BICD2: variants seen among roughly 807,000 people sequenced by gnomAD.
BICD2 encodes BICD cargo adaptor 2.
A neutral mutation model predicts 72.9 loss-of-function variants in BICD2; 25 were observed. The observed-to-expected ratio is 0.34, with a 90% CI of 0.25 to 0.48. The LOEUF (loss-of-function observed/expected upper bound fraction) is 0.48, where lower values mean the gene tolerates loss of function less well. BICD2 is among the 20% of genes least tolerant of loss of function. The probability of loss-of-function intolerance (pLI) is 0.99; values close to 1 mark genes in which losing one functional copy is unlikely to be tolerated. For synonymous variants in BICD2, 501 were observed against 516.1 expected (o/e 0.97, Z 0.40); for missense variants, 894 against 1,175.2 (o/e 0.76, Z 3.50).
intron 2 of BICD2, among the ~76,000 whole-genome samples, 200 bp downstream of exon 2, chr9:92,728,824 G>A (rs150969675): frequency 6.6e-4 from 101 of 152,356 alleles, no homozygotes; most frequent in African/African-American, 2.4e-3. Context: ...GAACTTGTGG[G>A]TCCATCTCTC....
At chr9:92,718,024 G>C in intron 5 of BICD2, 76 bp from the exon 6 acceptor site, 1 of 1,528,560 alleles carries the variant, frequency 6.5e-7, no homozygotes, top group Non-Finnish European at 8.8e-7. Context: ...GCAGGATCGG[G>C]AGCCCCGGTC....
rs143189118 is a variant in BICD2, at chr9:92,715,300, G to A, written c.2422C>T (p.Arg808Cys). Residue 808 changes from arginine (R) to cysteine (C), a missense_variant, in exon 7 of 7, where the codon CGT becomes TGT. Physicochemically the swap from Arg to Cys is radical, Grantham distance 180 (BLOSUM62 -3). Coordinates refer to ENST00000356884, the MANE Select transcript of BICD2 (RefSeq NM_001003800.2). Reference sequence around the variant, plus strand: ...TTCGGGGCGGCTTTGGCACGGCCACGCCGGGTCTGCTCATGGTCCAGCTCG... The same window carrying A: ...TTCGGGGCGGCTTTGGCACGGCCACACCGGGTCTGCTCATGGTCCAGCTCG... Reference protein sequence around the residue: ...LLELDHEQTRRGRAKAAPKTK... With the variant: ...LLELDHEQTRCGRAKAAPKTK... The A allele has an allele frequency of 3.1e-6, 5 of 1,612,716 alleles. No homozygotes were observed. Among genetic ancestry groups the A allele is most frequent in the South Asian group, 1.1e-5 (1 of 91,080 alleles).
At position 92,764,388 on chromosome 9, in the gene BICD2, G is replaced by A; in HGVS notation, c.240+117C>T. 1.5e-6 allele frequency: 2 copies of A among 1,315,392 alleles called. No homozygotes were observed. The allele number at this position is 1,315,392 out of a possible 1,614,324, so 81.5% of individuals were successfully genotyped here. ...CTGCCCGTGCCCCCTCCGCCCCGGC[G>A]GCCCACCCCTGCCGGCCCCCGCTTG... On this transcript the variant is annotated intron_variant, in intron 1 of 6. Transcript: ENST00000356884. This position sits in a 1 kb window ranked among gnomAD's most constrained non-coding sequence, Gnocchi z 5.5.
chr9:92,731,797 G>C (rs557030081), intron 1 of BICD2, among the ~76,000 whole-genome samples: 1 of 152,338 alleles, frequency 6.6e-6, no homozygotes, highest in East Asian at 1.9e-4. Flanking sequence ...GACCACTGAG[G>C]GGGCAGAGAA....
chr9:92,719,436 G>A lies in BICD2; in HGVS notation c.1209C>T (p.Ser403=), dbSNP rs951408201. The A allele has an allele frequency of 2.5e-6, 4 of 1,613,996 alleles. No homozygotes were observed. In the Admixed American group the frequency reaches 5.0e-5, roughly 20 times the overall value. The change falls in exon 5 of 7, where the codon AGC becomes AGT. Residue 403 remains serine, a synonymous_variant. Coordinates refer to ENST00000356884, the MANE Select transcript of BICD2 (RefSeq NM_001003800.2). ...TGTCCAGGGCTGTCTGCCGCTCCTTGCTGGCCTGCAGGCGCCGCAGGGCAC... is the reference window on the plus strand; with the variant it reads ...TGTCCAGGGCTGTCTGCCGCTCCTTACTGGCCTGCAGGCGCCGCAGGGCAC... ...NLSALRRLQA[S]KERQTALDNE...
At chr9:92,748,145 G>A (rs1439448459) in intron 1 of BICD2, among the ~76,000 whole-genome samples, 1 of 152,110 alleles carries the variant, frequency 6.6e-6, no homozygotes, top group African/African-American at 2.4e-5. Context: ...GCCAGTGGAG[G>A]GGACACACCC....
chr9:92,730,769 C>T (rs540737688), intron 1 of BICD2, among the ~76,000 whole-genome samples: 9 of 152,296 alleles, frequency 5.9e-5, no homozygotes, highest in Admixed American at 4.6e-4. Context: ...CGGGGGGACT[C>T]GGGATTGACA....
At chr9:92,733,051 T>C (rs72758508) in intron 1 of BICD2, among the ~76,000 whole-genome samples, 6,040 of 152,230 alleles carry the variant, frequency 0.04, 182 homozygotes, top group South Asian at 0.11. Context: ...TAAAACAATA[T>C]TGAAAGGGAA....
intron 2 of BICD2, among the ~76,000 whole-genome samples, chr9:92,728,147 A>G (rs567221104): frequency 3.9e-5 from 6 of 152,156 alleles, no homozygotes; most frequent in Admixed American, 3.3e-4. Flanking sequence ...CTCAAACTAC[A>G]CAGGTTCCAG....
chr9:92,758,933 G>A (rs999097811), intron 1 of BICD2, among the ~76,000 whole-genome samples: 41 of 151,794 alleles, frequency 2.7e-4, no homozygotes, highest in African/African-American at 9.4e-4. Flanking sequence ...CAAGGCGGGA[G>A]GATCGCTCAA....
intron 3 of BICD2, among the ~76,000 whole-genome samples, chr9:92,721,398 T>A (rs1352223671): frequency 2.0e-5 from 3 of 152,032 alleles, no homozygotes; most frequent in Non-Finnish European, 4.4e-5. Flanking sequence ...AAAAGCAACA[T>A]CAAAGTCTTG....
intron 1 of BICD2, among the ~76,000 whole-genome samples, chr9:92,757,080 G>A (rs529845783): frequency 4.6e-5 from 7 of 152,040 alleles, no homozygotes; most frequent in South Asian, 2.1e-4. Flanking sequence ...TTGCTGGGCC[G>A]AGGCAGACTG....
intron 1 of BICD2, among the ~76,000 whole-genome samples, chr9:92,740,122 G>A (rs765347265): frequency 6.6e-6 from 1 of 152,192 alleles, no homozygotes; most frequent in Non-Finnish European, 1.5e-5. Flanking sequence ...ACCACGCAGA[G>A]AGAGAGATGG....
chr9:92,752,543 G>T (rs1220139301), intron 1 of BICD2, among the ~76,000 whole-genome samples: 1 of 152,166 alleles, frequency 6.6e-6, no homozygotes, highest in Non-Finnish European at 1.5e-5. Context: ...CAAGATAGGA[G>T]AAGTACATAA....
intron 1 of BICD2, among the ~76,000 whole-genome samples, chr9:92,749,790 C>A (rs1409891850): frequency 6.6e-6 from 1 of 152,250 alleles, no homozygotes; most frequent in Non-Finnish European, 1.5e-5. Flanking sequence ...GGCCTGGGGA[C>A]CAGCCCTCAT....
Position 92,715,029 on chromosome 9 carries a change from T to C in BICD2, c.*125A>G. The C allele has an allele frequency of 7.0e-7, 1 of 1,434,652 alleles. No individual in the cohort carries two copies. Among genetic ancestry groups the C allele is most frequent in the Non-Finnish European group, 9.1e-7 (1 of 1,093,308 alleles). 88.9% of individuals were successfully genotyped at this position (1,434,652 alleles called of 1,614,324 possible). On this transcript the variant is annotated 3_prime_UTR_variant, in exon 7 of 7. Coordinates refer to ENST00000356884, the MANE Select transcript of BICD2 (RefSeq NM_001003800.2). Reference sequence around the variant, plus strand: ...TGCTGATGCAACGCCCCATGGCGCCTCGGCTAGACTCCTACCCTCTGTGCA... The same window carrying C: ...TGCTGATGCAACGCCCCATGGCGCCCCGGCTAGACTCCTACCCTCTGTGCA...
intron 1 of BICD2, among the ~76,000 whole-genome samples, chr9:92,735,604 G>A (rs1428366670): frequency 6.6e-6 from 1 of 151,692 alleles, no homozygotes; most frequent in African/African-American, 2.4e-5. Flanking sequence ...AGACCCCAGG[G>A]CTTTGTCAAG....
chr9:92,740,846 G>A (rs1395188608), intron 1 of BICD2, among the ~76,000 whole-genome samples: 1 of 152,146 alleles, frequency 6.6e-6, no homozygotes, highest in Non-Finnish European at 1.5e-5. Flanking sequence ...CTGCATTGCT[G>A]GTTCCACCCC....
intron 1 of BICD2, among the ~76,000 whole-genome samples, chr9:92,739,315 C>G (rs562771751): frequency 6.6e-4 from 101 of 152,336 alleles, no homozygotes; most frequent in African/African-American, 2.4e-3. Flanking sequence ...GATACCAGGA[C>G]AACAGACTAT....
Sources: allele counts gnomAD v4.1 joint callset (sites outside exome capture counted in the v4.1 genomes callset), GRCh38; gene constraint gnomAD v4.1.1; non-coding constraint Gnocchi (gnomAD v3.1); transcripts MANE v1.5; gene names NCBI Gene and HGNC (gene_info 2026-07-23, HGNC 2026-07-21).